IL17RC: variants seen among roughly 807,000 people sequenced by gnomAD.
IL17RC encodes the protein interleukin-17 receptor C.
A neutral mutation model predicts 86.7 loss-of-function variants in IL17RC; 53 were observed. That is an observed-to-expected ratio of 0.61 (90% confidence interval 0.49 to 0.77). The LOEUF is 0.77. IL17RC is among the 30% of genes least tolerant of loss of function. The probability of loss-of-function intolerance (pLI) is 0.00; values close to 1 mark genes in which losing one functional copy is unlikely to be tolerated. For missense variants in IL17RC, 957 were observed against 940.0 expected, an observed-to-expected ratio of 1.02 and a Z score of -0.24; for synonymous variants, 439 against 413.1, an observed-to-expected ratio of 1.06 and a Z score of -0.76.
rs908500879 is a variant in IL17RC at position 9,928,457 on chromosome 3, C to T, written c.1030C>T (p.Pro344Ser). The change falls in exon 11 of 19, where the codon CCG (proline) becomes TCG (serine). Residue 344 changes from proline (P) to serine (S), a missense_variant. Pro to Ser is a moderately conservative substitution (Grantham distance 74). Transcript: ENST00000403601. ...GGACCCCTGCCAGCCACTGGTCCCA[C>T]CGCTTTCCTGGGAGAACGTCACTGT... ...GGDPCQPLVPPLSWENVTVDK... is the reference protein window; with the variant it reads ...GGDPCQPLVPSLSWENVTVDK... 6.2e-7 allele frequency: 1 copy of T among 1,610,086 alleles called. No homozygotes were observed. Among genetic ancestry groups the T allele is most frequent in the South Asian group, 1.1e-5 (1 of 91,060 alleles).
chr3:9,920,959 G>T lies in IL17RC; in HGVS notation c.612G>T (p.Pro204=), dbSNP rs576408431. The T allele has an allele frequency of 6.3e-7, 1 of 1,595,680 alleles. No homozygotes were observed. Among genetic ancestry groups the T allele is most frequent in the Admixed American group, 1.8e-5 (1 of 55,284 alleles). ...GGCTCGAAGTCTGGAACAGCATCCC[G>T]AGCTGCTGGGGTAGGGGCTAGGGCC... is the stretch of plus-strand genomic sequence containing the variant. The part of the protein sequence containing the change: ...CRGLEVWNSI[P]SCWALPWLNV... Residue 204 remains proline, a synonymous_variant, in exon 7 of 19, where the codon CCG becomes CCT. Transcript: ENST00000403601.
At chr3:9,927,285 A>G (rs1163443761) in intron 9 of IL17RC, among the ~76,000 whole-genome samples, 1 of 152,214 alleles carries the variant, frequency 6.6e-6, no homozygotes, top group East Asian at 1.9e-4. Context: ...TCCACCAGGC[A>G]CAGTGGCTCA....
rs1175394558 is a variant in IL17RC, at chr3:9,918,513, C to T, written c.369C>T (p.Ala123=). ...VEEPRNASLQ[A]QVVLSFQAYP... is the part of the protein sequence containing the mutation. ...TGTTGCCCACAGCCTCTCTCCAGGC[C>T]CAAGTCGTGCTCTCCTTCCAGGCCT... The change falls in exon 5 of 19, where the codon GCC becomes GCT. Residue 123 remains alanine, a synonymous_variant. Coordinates refer to ENST00000403601, the MANE Select transcript of IL17RC (RefSeq NM_153460.4). 1 of 1,614,106 alleles carries T rather than the reference C, an allele frequency of 6.2e-7. No homozygotes were observed. Among genetic ancestry groups the T allele is most frequent in the South Asian group, 1.1e-5 (1 of 91,078 alleles).
intron 12 of IL17RC, 134 bp from the exon 13 acceptor site, chr3:9,929,718 T>G: frequency 1.1e-6 from 1 of 886,926 alleles, no homozygotes; most frequent in Non-Finnish European, 1.9e-6. Context: ...CAGCCTTGAA[T>G]CCACATCTGC....
intron 10 of IL17RC, 31 bp downstream of exon 10, chr3:9,928,251 GGT>G (rs199978984): frequency 4.9e-5 from 67 of 1,373,122 alleles, no homozygotes; most frequent in Non-Finnish European, 5.9e-5. Flanking sequence ...CTGGGGTTGG[GGT>G]GTTGCGAGCG....
chr3:9,920,089 A>G (rs2083420335), intron 5 of IL17RC, among the ~76,000 whole-genome samples: 1 of 152,118 alleles, frequency 6.6e-6, no homozygotes, highest in Non-Finnish European at 1.5e-5. Flanking sequence ...GTAGACTGGG[A>G]GAACATCTGC....
chr3:9,923,176 C>CA (rs377645102), intron 7 of IL17RC, among the ~76,000 whole-genome samples: 11,940 of 85,860 alleles, frequency 0.14, 742 homozygotes, highest in African/African-American at 0.21. Context: ...GACTCCATCT[C>CA]AAAAAAAAAA....
At chr3:9,922,879 A>T (rs1444198694) in intron 7 of IL17RC, among the ~76,000 whole-genome samples, 22 of 152,136 alleles carry the variant, frequency 1.4e-4, no homozygotes, top group Admixed American at 1.4e-3. Context: ...GGTGTTTAAG[A>T]AATAGTAAGG....
Position 9,933,406 on chromosome 3 carries a change from T to A in IL17RC, c.1976T>A (p.Leu659Gln). The A allele has an allele frequency of 6.2e-7, 1 of 1,613,242 alleles. No homozygotes were observed. The highest frequency in any genetic ancestry group is 8.5e-7 in the Non-Finnish European group (1 of 1,179,798). ...CCCGTCTTCACACTGCCCTCCCAACTGCCAGACTTCCTGGGGGCCCTGCAG... is the reference window on the plus strand; with the variant it reads ...CCCGTCTTCACACTGCCCTCCCAACAGCCAGACTTCCTGGGGGCCCTGCAG... The part of the protein sequence containing the change: ...TVPVFTLPSQ[L>Q]PDFLGALQQP... The change falls in exon 19 of 19, where the codon CTG (leucine) becomes CAG (glutamine). Residue 659 changes from leucine to glutamine, a missense_variant. By Grantham distance (113) the Leu-to-Gln change is moderately radical (BLOSUM62 -2). Coordinates refer to ENST00000403601, the MANE Select transcript of IL17RC (RefSeq NM_153460.4).
chr3:9,930,687 A>C lies in IL17RC; in HGVS notation c.1339-208A>C. The C allele has an allele frequency of 1.5e-6, 1 of 672,738 alleles. No homozygotes were observed. Among genetic ancestry groups the C allele is most frequent in the Non-Finnish European group, 2.6e-6 (1 of 385,078 alleles). 41.7% of individuals were successfully genotyped at this position (672,738 alleles called of 1,614,324 possible). ...TTGGGTTCCAGGGAGAGCTTCCGGG[A>C]AGAATTTCTTCCTATAAGCCAGATT... On this transcript the variant is annotated intron_variant, in intron 15 of 18. Transcript: ENST00000403601. The surrounding 1 kb of genome is among the most constrained non-coding windows in gnomAD (Gnocchi z 5.8).
At chr3:9,917,862 A>C (rs1424672137) in intron 2 of IL17RC, 61 bp from the exon 3 acceptor site, 1 of 1,610,548 alleles carries the variant, frequency 6.2e-7, no homozygotes, top group Non-Finnish European at 8.5e-7. Context: ...TGGGTATGTC[A>C]GGTGCCACCA....
At position 9,933,222 on chromosome 3, in the gene IL17RC, T is replaced by A. The variant is rs772713371; in HGVS notation, c.1792T>A (p.Ser598Thr). ...CAGCGAGTGGCTACAGGATGGGGTG[T>A]CCGGGCCCGGGGCGCACGGCCCGCA... ...LCSEWLQDGV[S>T]GPGAHGPHDA... Residue 598 changes from serine (S) to threonine (T), a missense_variant, in exon 19 of 19, where the codon TCC becomes ACC. Ser to Thr is a moderately conservative substitution (Grantham distance 58). Coordinates refer to ENST00000403601, the MANE Select transcript of IL17RC (RefSeq NM_153460.4). The A allele has an allele frequency of 6.2e-7, 1 of 1,607,080 alleles. No individual in the cohort carries two copies. The highest frequency in any genetic ancestry group is 8.5e-7 in the Non-Finnish European group (1 of 1,177,380).
chr3:9,923,543 C>T (rs2083772292), intron 7 of IL17RC, among the ~76,000 whole-genome samples: 1 of 151,292 alleles, frequency 6.6e-6, no homozygotes. Context: ...GAGCAAGACT[C>T]CCTCTCAAAA....
chr3:9,931,453 T>TCACACACACACACACACACACACACA (rs201407577), intron 16 of IL17RC, among the ~76,000 whole-genome samples: 25 of 44,932 alleles, frequency 5.6e-4, no homozygotes, highest in Non-Finnish European at 1.1e-3. Context: ...TTTATATATT[T>TCACACACACACACACACACACACACA]CACACACACA....
chr3:9,928,455 C>G lies in IL17RC; in HGVS notation c.1028C>G (p.Pro343Arg). 2 of 1,609,908 alleles carry G rather than the reference C, an allele frequency of 1.2e-6. No individual in the cohort carries two copies. Among genetic ancestry groups the G allele is most frequent in the Non-Finnish European group, 1.7e-6 (2 of 1,179,726 alleles). ...PGGDPCQPLVPPLSWENVTVD... is the reference protein window; with the variant it reads ...PGGDPCQPLVRPLSWENVTVD... Reference sequence around the variant, plus strand: ...GGGGACCCCTGCCAGCCACTGGTCCCACCGCTTTCCTGGGAGAACGTCACT... The same window carrying G: ...GGGGACCCCTGCCAGCCACTGGTCCGACCGCTTTCCTGGGAGAACGTCACT... The change falls in exon 11 of 19, where the codon CCA becomes CGA. Residue 343 changes from proline to arginine, a missense_variant. Pro to Arg is a moderately radical substitution (Grantham distance 103). Transcript: ENST00000403601.
In IL17RC at chr3:9,920,932, G is replaced by A. The variant is rs2083486730; in HGVS notation, c.585G>A (p.Arg195=). The A allele has an allele frequency of 6.2e-7, 1 of 1,607,572 alleles. No individual in the cohort carries two copies. The highest frequency in any genetic ancestry group is 8.5e-7 in the Non-Finnish European group (1 of 1,178,040). ...TCTGTGATCTCTCCTCAGACTGCAG[G>A]GGGCTCGAAGTCTGGAACAGCATCC... ...LNHTQQLPDC[R]GLEVWNSIPS... Residue 195 remains arginine (R), a synonymous_variant, in exon 7 of 19, where the codon AGG becomes AGA. Transcript: ENST00000403601.
At chr3:9,926,289 C>T (rs1442529305) in intron 9 of IL17RC, among the ~76,000 whole-genome samples, 1 of 152,142 alleles carries the variant, frequency 6.6e-6, no homozygotes, top group Non-Finnish European at 1.5e-5. Context: ...GCCTCGGCCG[C>T]CCAAAGTGCT....
chr3:9,917,186 GC>G lies in IL17RC; in HGVS notation c.-125del. The G allele has an allele frequency of 1.5e-6, 1 of 680,522 alleles. No individual in the cohort carries two copies. Among genetic ancestry groups the G allele is most frequent in the Admixed American group, 2.9e-5 (1 of 34,228 alleles). The allele number at this position is 680,522 out of a possible 1,614,324, so 42.2% of individuals were successfully genotyped here. A position where few individuals can be genotyped will look rare whatever the true frequency, so the allele number is the denominator to read the frequency against. On this transcript the variant is annotated 5_prime_UTR_variant, in exon 1 of 19. Transcript: ENST00000403601. Reference sequence around the variant, plus strand: ...CAAACTACCCAGCACAGCCCCCTCCGCCCCCTCTGGAGGCTGAAGAGGGATT... The same window carrying G: ...CAAACTACCCAGCACAGCCCCCTCCGCCCCTCTGGAGGCTGAAGAGGGATT...
intron 16 of IL17RC, among the ~76,000 whole-genome samples, chr3:9,931,464 C>CATATATATATATATATATAT (rs1338301646): frequency 9.3e-5 from 1 of 10,800 alleles, no homozygotes; most frequent in Non-Finnish European, 1.0e-3. Flanking sequence ...CACACACACA[C>CATATATATATATATATATAT]ACACACATAT....
Sources: allele counts gnomAD v4.1 joint callset (sites outside exome capture counted in the v4.1 genomes callset), GRCh38; gene constraint gnomAD v4.1.1; non-coding constraint Gnocchi (gnomAD v3.1); transcripts MANE v1.5; gene names NCBI Gene and HGNC (gene_info 2026-07-23, HGNC 2026-07-21).